The following RPH3A variants were observed in gnomAD, a reference collection of about 807,000 sequenced individuals.
RPH3A encodes rabphilin 3A.
In RPH3A, 48 loss-of-function variants were observed where a neutral mutation model predicts 102.2. The ratio of observed to expected loss-of-function variants is 0.47; its 90% CI spans 0.37 to 0.60. The LOEUF (loss-of-function observed/expected upper bound fraction) is 0.60, where lower values mean the gene tolerates loss of function less well. Among genes scored for constraint, RPH3A ranks in the 20% least tolerant of loss-of-function variants. The pLI is 0.00. For missense variants in RPH3A, 781 were observed against 910.1 expected (o/e 0.86, Z 1.83); for synonymous variants, 310 against 324.3 (o/e 0.96, Z 0.47).
In RPH3A at chr12:112,868,586, C is replaced by T; in HGVS notation, c.601C>T (p.Pro201Ser). The change falls in exon 8 of 22, where the codon CCA becomes TCA. Residue 201 changes from proline to serine, a missense_variant. Transcript: ENST00000389385. Reference protein sequence around the residue: ...APEPKHPARAPARGDSEDRRG... With the variant: ...APEPKHPARASARGDSEDRRG... ...TGAGCCCAAGCACCCTGCCCGGGCT[C>T]CAGCTCGAGGTAGGACAAAACAGGT... 2 of 1,613,970 alleles carry T rather than the reference C, an allele frequency of 1.2e-6. No homozygotes were observed. The highest frequency in any genetic ancestry group is 1.7e-6 in the Non-Finnish European group (2 of 1,179,950).
chr12:112,590,446 G>A (rs1274260571), intron 1 of RPH3A, among the ~76,000 whole-genome samples: 1 of 152,172 alleles, frequency 6.6e-6, no homozygotes, highest in Non-Finnish European at 1.5e-5. Context: ...TAGAATACCA[G>A]AAAGCCTGTG....
intron 1 of RPH3A, among the ~76,000 whole-genome samples, chr12:112,731,519 G>A (rs1259493315): frequency 6.6e-6 from 1 of 152,192 alleles, no homozygotes; most frequent in African/African-American, 2.4e-5. Context: ...ACCTGTGAAT[G>A]CCTTTGGGAG....
intron 1 of RPH3A, among the ~76,000 whole-genome samples, chr12:112,680,964 T>C (rs1175418822): frequency 6.6e-6 from 1 of 152,086 alleles, no homozygotes; most frequent in Non-Finnish European, 1.5e-5. Flanking sequence ...TCTTCCTTGC[T>C]TCTTCTTCTC....
At chr12:112,811,766 CTA>C (rs772128015) in intron 2 of RPH3A, among the ~76,000 whole-genome samples, 3 of 152,126 alleles carry the variant, frequency 2.0e-5, no homozygotes, top group Non-Finnish European at 2.9e-5. Flanking sequence ...TGAGTATTGG[CTA>C]TGTGTGTGTA....
At chr12:112,667,130 G>C (rs1277156110) in intron 1 of RPH3A, among the ~76,000 whole-genome samples, 1 of 152,128 alleles carries the variant, frequency 6.6e-6, no homozygotes, top group Non-Finnish European at 1.5e-5. Flanking sequence ...TTCTGCTGCA[G>C]GACCTGTGTG....
At chr12:112,726,987 C>T (rs1592966132) in intron 1 of RPH3A, among the ~76,000 whole-genome samples, 1 of 152,024 alleles carries the variant, frequency 6.6e-6, no homozygotes, top group African/African-American at 2.4e-5. Context: ...TGCGCCACTG[C>T]ACTGAAGCTG....
intron 1 of RPH3A, among the ~76,000 whole-genome samples, chr12:112,648,617 T>C (rs116098457): frequency 0.014 from 1,670 of 116,170 alleles, 48 homozygotes; most frequent in African/African-American, 0.053. Flanking sequence ...TTGTGGCACA[T>C]GTCTGTAGTC....
At chr12:112,848,830 C>T (rs2042274726) in intron 5 of RPH3A, among the ~76,000 whole-genome samples, 1 of 151,806 alleles carries the variant, frequency 6.6e-6, no homozygotes, top group Non-Finnish European at 1.5e-5. Context: ...AAATGTGGGG[C>T]ATCATCAGGG....
chr12:112,670,436 T>C (rs552733216), intron 1 of RPH3A, among the ~76,000 whole-genome samples: 26 of 152,288 alleles, frequency 1.7e-4, no homozygotes, highest in African/African-American at 5.8e-4. Context: ...GCCTTGGAGC[T>C]CTTTTCTACT....
chr12:112,837,510 G>A (rs1270975265), intron 4 of RPH3A, among the ~76,000 whole-genome samples: 7 of 151,988 alleles, frequency 4.6e-5, no homozygotes, highest in Admixed American at 4.6e-4. Context: ...TTAGCCAGGA[G>A]ACCCAGGAAA....
At chr12:112,807,900 A>G (rs557243808) in intron 2 of RPH3A, among the ~76,000 whole-genome samples, 4 of 152,012 alleles carry the variant, frequency 2.6e-5, no homozygotes, top group Non-Finnish European at 5.9e-5. Flanking sequence ...ATCTACTTTA[A>G]TTATTTACTT....
At chr12:112,616,249 C>T (rs113668130) in intron 1 of RPH3A, among the ~76,000 whole-genome samples, 11 of 152,286 alleles carry the variant, frequency 7.2e-5, no homozygotes, top group South Asian at 2.1e-4. Flanking sequence ...CGGGTTCAAG[C>T]GATTCTCCTG....
chr12:112,790,125 C>T (rs1029348940), upstream of RPH3A, among the ~76,000 whole-genome samples: 2 of 151,802 alleles, frequency 1.3e-5, no homozygotes, highest in Admixed American at 6.6e-5. Flanking sequence ...GGTGCAACCT[C>T]GGCTCACTGC....
chr12:112,836,796 G>A (rs1312922231), intron 4 of RPH3A, among the ~76,000 whole-genome samples: 1 of 152,168 alleles, frequency 6.6e-6, no homozygotes, highest in Admixed American at 6.5e-5. Context: ...TGGCCACTCA[G>A]TGCCCTTGTT....
rs561227408 is a variant in RPH3A at position 112,862,867 on chromosome 12, T to C, written c.231-2547T>C. On this transcript the variant is annotated intron_variant, in intron 5 of 21. Transcript: ENST00000389385. ...GTGGGGAGAGTCAGCATTAAGTGCCTGCCAGGCAGGGCTACCAGGGGCCCT... is the reference window on the plus strand; with the variant it reads ...GTGGGGAGAGTCAGCATTAAGTGCCCGCCAGGCAGGGCTACCAGGGGCCCT... 5.9e-5 allele frequency among the ~76,000 whole-genome samples: 9 copies of C among 152,346 alleles called. No homozygotes were observed. In the South Asian group the frequency reaches 1.9e-3, roughly 32 times the overall value.
At chr12:112,591,124 T>A (rs1411972730) in intron 1 of RPH3A, among the ~76,000 whole-genome samples, 1 of 148,134 alleles carries the variant, frequency 6.8e-6, no homozygotes, top group Non-Finnish European at 1.5e-5. Flanking sequence ...AGATAATTAA[T>A]TTTTGAAAAT....
At chr12:112,776,310 C>G (rs1057039809) in intron 1 of RPH3A, among the ~76,000 whole-genome samples, 1 of 152,032 alleles carries the variant, frequency 6.6e-6, no homozygotes, top group African/African-American at 2.4e-5. Flanking sequence ...TACAAAAAAC[C>G]CCCCCATAGC....
chr12:112,672,432 C>A (rs1369727026), intron 1 of RPH3A, among the ~76,000 whole-genome samples: 8 of 152,230 alleles, frequency 5.3e-5, no homozygotes, highest in Non-Finnish European at 1.0e-4. Context: ...CATGGCCTAG[C>A]CATCACAGGC....
intron 1 of RPH3A, among the ~76,000 whole-genome samples, chr12:112,660,574 C>G (rs931443458): frequency 1.3e-5 from 2 of 152,088 alleles, no homozygotes; most frequent in Non-Finnish European, 2.9e-5. Flanking sequence ...AATCCCAACA[C>G]TTTGGGAGGC....
Sources: gnomAD v4.1 joint callset for allele counts (sites outside exome capture counted in the v4.1 genomes callset) on GRCh38, gnomAD v4.1.1 for gene constraint, MANE v1.5 for transcripts, NCBI Gene and HGNC (gene_info 2026-07-23, HGNC 2026-07-21) for gene names.